The following INHBC variants were observed in gnomAD, a reference collection of about 807,000 sequenced individuals.
INHBC encodes the protein inhibin beta C chain.
INHBC carries 10 observed loss-of-function variants against 12.4 expected under a neutral mutation model. The observed-to-expected ratio is 0.81, with a 90% CI of 0.50 to 1.37. INHBC has a LOEUF of 1.37. Among genes scored for constraint, INHBC ranks in the 40% most tolerant of loss-of-function variants. The pLI, the probability that INHBC is intolerant of heterozygous loss-of-function variation, is 0.00. For missense variants in INHBC, 382 were observed against 439.4 expected, an observed-to-expected ratio of 0.87 and a Z score of 1.17; for synonymous variants, 147 against 171.6, an observed-to-expected ratio of 0.86 and a Z score of 1.12.
In INHBC at chr12:57,447,386, T is replaced by C. The variant is rs866107087; in HGVS notation, c.314-1891T>C. On this transcript the variant is annotated intron_variant, in intron 1 of 1. Transcript: ENST00000309668. ...TTTTAGTAGAGATGGGGTTTCACCA[T>C]GTTGGCCAGGCTTGTCTCAAACTCC... Among the ~76,000 whole-genome samples the C allele has an allele frequency of 2.6e-5, 4 of 151,192 alleles. No individual in the cohort carries two copies. The South Asian group carries it at 6.3e-4, about 24-fold the overall frequency.
Position 57,449,324 on chromosome 12 carries a change from G to C in INHBC, c.361G>C (p.Asp121His). 5.6e-6 allele frequency: 9 copies of C among 1,614,206 alleles called. No individual in the cohort carries two copies. The highest frequency in any genetic ancestry group is 7.6e-6 in the Non-Finnish European group (9 of 1,180,024). ...QTRLDFHFSS[D>H]RTAGDREVQQ... Reference sequence around the variant, plus strand: ...TCGTCTTGATTTTCACTTCTCCTCTGATAGAACTGCTGGTGACAGGGAGGT... The same window carrying C: ...TCGTCTTGATTTTCACTTCTCCTCTCATAGAACTGCTGGTGACAGGGAGGT... The change falls in exon 2 of 2, where the codon GAT becomes CAT. Residue 121 changes from aspartate to histidine, a missense_variant. Coordinates refer to ENST00000309668, the MANE Select transcript of INHBC (RefSeq NM_005538.4).
At chr12:57,447,892 AATATATAT>A (rs1241342566) in intron 1 of INHBC, among the ~76,000 whole-genome samples, 15 of 19,880 alleles carry the variant, frequency 7.5e-4, no homozygotes, top group South Asian at 3.0e-3. Flanking sequence ...AAAAAAAAAA[AATATATAT>A]ATATATATAT....
At chr12:57,437,863 G>A (rs1870380515) in intron 1 of INHBC, among the ~76,000 whole-genome samples, 1 of 150,736 alleles carries the variant, frequency 6.6e-6, no homozygotes, top group Non-Finnish European at 1.5e-5. Context: ...TCAGCTCACT[G>A]CAACCCCCGC....
intron 1 of INHBC, among the ~76,000 whole-genome samples, chr12:57,441,845 C>A (rs1314007025): frequency 6.6e-6 from 1 of 151,908 alleles, no homozygotes; most frequent in Non-Finnish European, 1.5e-5. Context: ...CCATGCCTGG[C>A]TTTTTTTGTA....
intron 1 of INHBC, 43 bp from the exon 2 acceptor site, chr12:57,449,234 A>C: frequency 6.4e-7 from 1 of 1,565,180 alleles, no homozygotes; most frequent in Non-Finnish European, 8.6e-7. Context: ...GGTAGAACTG[A>C]CAGTCAGAAG....
At chr12:57,445,965 C>T (rs1387552288) in intron 1 of INHBC, among the ~76,000 whole-genome samples, 2 of 151,002 alleles carry the variant, frequency 1.3e-5, no homozygotes, top group East Asian at 1.9e-4. Context: ...GACAGAGTCT[C>T]GCTGTGTTGC....
At chr12:57,442,287 T>A (rs957024438) in intron 1 of INHBC, among the ~76,000 whole-genome samples, 20 of 152,250 alleles carry the variant, frequency 1.3e-4, no homozygotes, top group African/African-American at 4.8e-4. Context: ...AAGCCCAGAA[T>A]TAATATGGAA....
At chr12:57,447,883 AAAAAAAAAAATATATATATATATAT>A in intron 1 of INHBC, among the ~76,000 whole-genome samples, 1 of 83,584 alleles carries the variant, frequency 1.2e-5, no homozygotes, top group African/African-American at 3.9e-5. Flanking sequence ...AAAAAAAAAA[AAAAAAAAAAATATATATATATATAT>A]ATATATATAT....
At chr12:57,449,172 AAAT>A in intron 1 of INHBC, 102 bp from the exon 2 acceptor site, 1 of 1,392,902 alleles carries the variant, frequency 7.2e-7, no homozygotes. Flanking sequence ...AAACTGTAGC[AAAT>A]GCCAAGTGCT....
At chr12:57,444,414 G>A (rs973691689) in intron 1 of INHBC, among the ~76,000 whole-genome samples, 4 of 151,940 alleles carry the variant, frequency 2.6e-5, no homozygotes, top group African/African-American at 7.2e-5. Context: ...GGTGGTGCAT[G>A]CCTGTAATCC....
At chr12:57,440,818 T>A (rs531814757) in intron 1 of INHBC, among the ~76,000 whole-genome samples, 2 of 152,336 alleles carry the variant, frequency 1.3e-5, no homozygotes, top group African/African-American at 4.8e-5. Flanking sequence ...TTCCCCTTTC[T>A]TCAGCTTCCA....
At chr12:57,443,160 C>T (rs1325003615) in intron 1 of INHBC, among the ~76,000 whole-genome samples, 2 of 128,132 alleles carry the variant, frequency 1.6e-5, no homozygotes, top group African/African-American at 3.0e-5. Context: ...GCTCTGTTGC[C>T]ATGCTGGAGT....
chr12:57,439,910 A>G (rs1176858878), intron 1 of INHBC, among the ~76,000 whole-genome samples: 5 of 152,112 alleles, frequency 3.3e-5, no homozygotes, highest in African/African-American at 1.2e-4. Context: ...TGCAGCCTCA[A>G]TAATATTGCC....
At chr12:57,441,319 A>C (rs1870458804) in intron 1 of INHBC, among the ~76,000 whole-genome samples, 1 of 130,836 alleles carries the variant, frequency 7.6e-6, no homozygotes, top group Admixed American at 9.3e-5. Context: ...GTGCCATTGC[A>C]CTCCAGCCTG....
intron 1 of INHBC, among the ~76,000 whole-genome samples, chr12:57,447,373 T>C (rs929033062): frequency 2.6e-5 from 4 of 151,014 alleles, no homozygotes; most frequent in Non-Finnish European, 5.9e-5. Context: ...TTAGTAGAGA[T>C]GGGGTTTCAC....
intron 1 of INHBC, among the ~76,000 whole-genome samples, chr12:57,442,259 A>G (rs377626003): frequency 4.6e-5 from 7 of 152,222 alleles, no homozygotes; most frequent in African/African-American, 1.7e-4. Flanking sequence ...CTCACTGCCC[A>G]AATCAAGTCA....
chr12:57,435,067 C>T lies in INHBC; in HGVS notation c.181C>T (p.Pro61Ser). 1 of 1,614,198 alleles carries T rather than the reference C, an allele frequency of 6.2e-7. No homozygotes were observed. Among genetic ancestry groups the T allele is most frequent in the Non-Finnish European group, 8.5e-7 (1 of 1,180,044 alleles). Reference protein sequence around the residue: ...ILDKLHLTQRPTLNRPVSRAA... With the variant: ...ILDKLHLTQRSTLNRPVSRAA... ...GGACAAGCTGCACCTCACCCAGCGC[C>T]CAACACTGAACCGCCCTGTGTCCAG... The change falls in exon 1 of 2, where the codon CCA becomes TCA. Residue 61 changes from proline to serine, a missense_variant. Pro to Ser is a moderately conservative substitution (Grantham distance 74). Transcript: ENST00000309668.
At chr12:57,441,704 T>TG (rs1350354727) in intron 1 of INHBC, among the ~76,000 whole-genome samples, 1 of 147,756 alleles carries the variant, frequency 6.8e-6, no homozygotes, top group African/African-American at 2.5e-5. Flanking sequence ...TTTTTTTAGA[T>TG]GGAGTCTCAC....
At chr12:57,445,412 T>C (rs1414888148) in intron 1 of INHBC, among the ~76,000 whole-genome samples, 1 of 149,294 alleles carries the variant, frequency 6.7e-6, no homozygotes, top group Non-Finnish European at 1.5e-5. Flanking sequence ...GACTAATGAG[T>C]AGTAGAGGAA....
Sources: allele counts gnomAD v4.1 joint callset (sites outside exome capture counted in the v4.1 genomes callset), GRCh38; gene constraint gnomAD v4.1.1; transcripts MANE v1.5; gene names NCBI Gene and HGNC (gene_info 2026-07-23, HGNC 2026-07-21).